EPSTI1: variants seen among roughly 807,000 people sequenced by gnomAD.
EPSTI1 encodes the protein epithelial stromal interaction 1, also known as epithelial-stromal interaction protein 1.
EPSTI1 carries 66 observed loss-of-function variants against 49.9 expected under a neutral mutation model. That is an observed-to-expected ratio of 1.32 (90% CI 1.08 to 1.62). The LOEUF is 1.62. EPSTI1 is among the 40% of genes most tolerant of loss of function. EPSTI1 has a pLI of 0.00. For synonymous variants in EPSTI1, 137 were observed against 130.7 expected (o/e 1.05, Z -0.33); for missense variants, 394 against 365.5 (o/e 1.08, Z -0.64).
At chr13:42,923,292 G>A (rs2038072779) in intron 7 of EPSTI1, among the ~76,000 whole-genome samples, 1 of 152,174 alleles carries the variant, frequency 6.6e-6, no homozygotes, top group Non-Finnish European at 1.5e-5. Flanking sequence ...CGGGTGCGGT[G>A]GCTCACACCT....
chr13:42,888,318 A>G lies in EPSTI1; in HGVS notation c.*176T>C. 1 of 1,614,068 alleles carries G rather than the reference A, an allele frequency of 6.2e-7. No individual in the cohort carries two copies. The highest frequency in any genetic ancestry group is 2.2e-5 in the East Asian group (1 of 44,874). On this transcript the variant is annotated 3_prime_UTR_variant, in exon 11 of 11. Coordinates refer to ENST00000313624, the MANE Select transcript of EPSTI1 (RefSeq NM_033255.5). ...ATGAGTTCAGGAATCAGCTCCTCCA[A>G]ACATGCATAAATGAGGACAAGGAGA...
intron 6 of EPSTI1, among the ~76,000 whole-genome samples, chr13:42,931,188 C>T (rs1353262840): frequency 7.2e-6 from 1 of 139,520 alleles, no homozygotes; most frequent in African/African-American, 2.6e-5. Context: ...CTTTTGCCTA[C>T]AGCTTTTTTT....
At chr13:42,917,257 A>G (rs975661655) in intron 8 of EPSTI1, among the ~76,000 whole-genome samples, 1 of 152,132 alleles carries the variant, frequency 6.6e-6, no homozygotes, top group African/African-American at 2.4e-5. Flanking sequence ...TGTTTTGCAG[A>G]TGAGAAGTTC....
intron 6 of EPSTI1, among the ~76,000 whole-genome samples, chr13:42,937,380 A>G (rs1354665362): frequency 6.6e-6 from 1 of 152,176 alleles, no homozygotes; most frequent in Non-Finnish European, 1.5e-5. Context: ...TGCCACATCA[A>G]TTGACTCTTT....
chr13:42,969,439 A>C (rs966507444), intron 2 of EPSTI1: 9 of 429,966 alleles, frequency 2.1e-5, no homozygotes, highest in African/African-American at 1.6e-4. Context: ...TAAAAGAAGT[A>C]TAGATTTTCC....
At chr13:42,948,093 C>T (rs1406103279) in intron 6 of EPSTI1, among the ~76,000 whole-genome samples, 8 of 152,268 alleles carry the variant, frequency 5.3e-5, no homozygotes, top group African/African-American at 1.9e-4. Context: ...TGCCAGGCTT[C>T]CCACCCTGCA....
intron 3 of EPSTI1, among the ~76,000 whole-genome samples, chr13:42,965,415 CT>C (rs1371677323): frequency 6.6e-6 from 1 of 152,178 alleles, no homozygotes; most frequent in Non-Finnish European, 1.5e-5. Flanking sequence ...TCTGCTAAGG[CT>C]TCAAGACAAC....
intron 1 of EPSTI1, among the ~76,000 whole-genome samples, chr13:42,975,791 C>T (rs1436870189): frequency 6.7e-6 from 1 of 150,110 alleles, no homozygotes; most frequent in Non-Finnish European, 1.5e-5. Context: ...CTTAAACACA[C>T]ACACACACAT....
intron 7 of EPSTI1, among the ~76,000 whole-genome samples, chr13:42,923,278 A>C (rs1195343972): frequency 6.6e-6 from 1 of 152,174 alleles, no homozygotes; most frequent in Admixed American, 6.5e-5. Flanking sequence ...TAGGGGCATA[A>C]GGCCGGGTGC....
In EPSTI1 at chr13:42,895,109, C is replaced by G. The variant is rs200576120; in HGVS notation, c.816-1G>C. 32 of 1,607,236 alleles carry G rather than the reference C, an allele frequency of 2.0e-5. No homozygotes were observed. Among genetic ancestry groups the G allele is most frequent in the Non-Finnish European group, 2.3e-5 (27 of 1,176,938 alleles). On this transcript the variant is annotated splice_acceptor_variant, in intron 9 of 10. Coordinates refer to ENST00000313624, the MANE Select transcript of EPSTI1 (RefSeq NM_033255.5). LOFTEE classifies it high-confidence loss of function. ...TCGGTCCAGAAAAGCATTATTTACC[C>G]TTTAAAACAATGAAAAATGTGTGTG...
intron 5 of EPSTI1, among the ~76,000 whole-genome samples, chr13:42,962,137 A>C (rs1029227452): frequency 6.6e-6 from 1 of 152,252 alleles, no homozygotes; most frequent in African/African-American, 2.4e-5. Context: ...CCAATCAGCC[A>C]GAGAAATCAC....
At chr13:42,945,376 T>A (rs1343673059) in intron 6 of EPSTI1, among the ~76,000 whole-genome samples, 1 of 152,180 alleles carries the variant, frequency 6.6e-6, no homozygotes, top group African/African-American at 2.4e-5. Flanking sequence ...ATGGGAATTA[T>A]GGGAGCTACA....
At chr13:42,895,634 C>T (rs1167623147) in intron 9 of EPSTI1, among the ~76,000 whole-genome samples, 2 of 152,228 alleles carry the variant, frequency 1.3e-5, no homozygotes, top group African/African-American at 4.8e-5. Context: ...CTGGAGCTTG[C>T]TACCTGGTTG....
At chr13:42,913,491 C>T (rs2037744835) in intron 8 of EPSTI1, among the ~76,000 whole-genome samples, 1 of 152,066 alleles carries the variant, frequency 6.6e-6, no homozygotes, top group South Asian at 2.1e-4. Context: ...AAAATCTATC[C>T]TAAAATGTAG....
At chr13:42,990,509 T>C (rs1285530714) in intron 1 of EPSTI1, among the ~76,000 whole-genome samples, 9 of 152,260 alleles carry the variant, frequency 5.9e-5, no homozygotes, top group Admixed American at 3.9e-4. Context: ...TAACTATTCA[T>C]GGACACGAGA....
At chr13:42,984,908 C>A (rs4245317) in intron 1 of EPSTI1, among the ~76,000 whole-genome samples, 1 of 152,200 alleles carries the variant, frequency 6.6e-6, no homozygotes, top group African/African-American at 2.4e-5. Flanking sequence ...TCTGCATAGA[C>A]AGCATGCCAA....
At position 42,969,441 on chromosome 13, in the gene EPSTI1, A is replaced by T. The variant is rs901308945; in HGVS notation, c.248-264T>A. 7.0e-6 allele frequency: 3 copies of T among 425,544 alleles called. No individual in the cohort carries two copies. In the Admixed American group the frequency reaches 1.2e-4, roughly 18 times the overall value. The allele number at this position is 425,544 out of a possible 1,614,324, so 26.4% of individuals were successfully genotyped here. On this transcript the variant is annotated intron_variant, in intron 2 of 10. Coordinates refer to ENST00000313624, the MANE Select transcript of EPSTI1 (RefSeq NM_033255.5). The stretch of plus-strand genomic sequence containing the variant: ...CCTGGGCTCCTACTAAAAGAAGTAT[A>T]GATTTTCCTACCATTCTGGCATTTT...
At chr13:42,963,600 CTGTGTGTATG>C (rs1316628153) in intron 4 of EPSTI1, 3 of 503,468 alleles carry the variant, frequency 6.0e-6, no homozygotes, top group African/African-American at 5.9e-5. Flanking sequence ...CTGTCTCTCT[CTGTGTGTATG>C]TGTGTGTGGT....
intron 1 of EPSTI1, among the ~76,000 whole-genome samples, chr13:42,983,125 C>CT (rs879568649): frequency 5.3e-5 from 8 of 152,106 alleles, no homozygotes; most frequent in Admixed American, 2.0e-4. Context: ...GTTAATCTGT[C>CT]TTTTTTTATA....
Sources: gnomAD v4.1 joint callset for allele counts (sites outside exome capture counted in the v4.1 genomes callset) on GRCh38, gnomAD v4.1.1 for gene constraint, MANE v1.5 for transcripts, NCBI Gene and HGNC (gene_info 2026-07-23, HGNC 2026-07-21) for gene names.